Variants in GREB1 observed in about 807,000 individuals in gnomAD.
GREB1 encodes protein GREB1.
GREB1 carries 106 observed loss-of-function variants against 200.7 expected under a neutral mutation model. That is an observed-to-expected ratio of 0.53 (90% CI 0.45 to 0.62). GREB1 has a LOEUF of 0.62. Among genes scored for constraint, GREB1 ranks in the 20% least tolerant of loss-of-function variants. The pLI, the probability that GREB1 is intolerant of heterozygous loss-of-function variation, is 0.00. For missense variants in GREB1, 2,243 were observed against 2,556.8 expected (o/e 0.88, Z 2.65); for synonymous variants, 1,132 against 1,092.4 (o/e 1.04, Z -0.72).
At chr2:11,620,000 CG>C in intron 22 of GREB1, among the ~76,000 whole-genome samples, 1 of 152,262 alleles carries the variant, frequency 6.6e-6, no homozygotes, top group African/African-American at 2.4e-5. Context: ...ATTTTTCAGA[CG>C]GAGTCTCGCT....
At chr2:11,550,082 G>C (rs1379497822) in intron 1 of GREB1, among the ~76,000 whole-genome samples, 1 of 152,190 alleles carries the variant, frequency 6.6e-6, no homozygotes, top group African/African-American at 2.4e-5. Context: ...AGCCAGGTGA[G>C]GTGGCGGGCG....
chr2:11,573,843 G>A (rs938216786), intron 4 of GREB1, among the ~76,000 whole-genome samples: 71 of 152,218 alleles, frequency 4.7e-4, no homozygotes, highest in African/African-American at 1.5e-3. Flanking sequence ...GCACAGCGAC[G>A]GTCCCCAGCC....
upstream of GREB1, among the ~76,000 whole-genome samples, chr2:11,531,392 A>G (rs1360463697): frequency 6.6e-6 from 1 of 152,214 alleles, no homozygotes; most frequent in African/African-American, 2.4e-5. Context: ...TGCAGCCTAC[A>G]GAGAGATTCA....
chr2:11,487,108 G>C (rs1369004410), intron 1 of GREB1, among the ~76,000 whole-genome samples: 1 of 151,942 alleles, frequency 6.6e-6, no homozygotes, highest in Non-Finnish European at 1.5e-5. Flanking sequence ...ACAATTTCAT[G>C]GTCTATTGTG....
chr2:11,569,888 T>C (rs990921985), intron 4 of GREB1, among the ~76,000 whole-genome samples: 1 of 151,046 alleles, frequency 6.6e-6, no homozygotes, highest in African/African-American at 2.4e-5. Flanking sequence ...CGTGGCGGGG[T>C]GGGGTGCCCA....
At chr2:11,531,128 G>A (rs1674057540), upstream of GREB1, among the ~76,000 whole-genome samples, 1 of 152,144 alleles carries the variant, frequency 6.6e-6, no homozygotes, top group African/African-American at 2.4e-5. Flanking sequence ...CTGTACTGGA[G>A]GTCAGCTCAG....
chr2:11,559,121 A>G (rs577359645), intron 2 of GREB1, among the ~76,000 whole-genome samples: 2 of 152,340 alleles, frequency 1.3e-5, no homozygotes, highest in African/African-American at 2.4e-5. Flanking sequence ...ACACAATTGC[A>G]TGTCAACATT....
In GREB1 at chr2:11,495,900, CG is replaced by C. The variant is rs1236290399; in HGVS notation, c.-159+13520del. Reference sequence around the variant, plus strand: ...CACTGAGCTCCTCTGTGAGTCTGTGCGTGGCGCTCCTCTTCTGTCTTTGCAG... The same window carrying C: ...CACTGAGCTCCTCTGTGAGTCTGTGCTGGCGCTCCTCTTCTGTCTTTGCAG... On this transcript the variant is annotated intron_variant, in intron 1 of 2. Coordinates refer to the GREB1 transcript ENST00000628795. Among the ~76,000 whole-genome samples the C allele has an allele frequency of 2.0e-5, 3 of 150,054 alleles. No individual in the cohort carries two copies. In the East Asian group the frequency reaches 6.0e-4, roughly 30 times the overall value.
In GREB1 at chr2:11,596,164, A is replaced by C; in HGVS notation, c.1879A>C (p.Ile627Leu). Residue 627 changes from isoleucine (I) to leucine (L), a missense_variant, in exon 13 of 33, where the codon ATT becomes CTT. Ile to Leu is a conservative substitution (Grantham distance 5). Transcript: ENST00000381486. ...DKFHQENQGH[I>L]SSSLAASSVT... ...ATTTCACCAGGAAAATCAAGGCCAT[A>C]TTTCTTCCTCACTCGCTGCCTCTTC... 6.2e-7 allele frequency: 1 copy of C among 1,613,562 alleles called. No homozygotes were observed.
chr2:11,567,331 G>A lies in GREB1; in HGVS notation c.454+675G>A, dbSNP rs531111377. On this transcript the variant is annotated intron_variant, in intron 4 of 32. Coordinates refer to ENST00000381486, the MANE Select transcript of GREB1 (RefSeq NM_014668.4). ...GTAGAGATGGGGTTTCACCATGTTG[G>A]CCAGGCTGGTCTCGAACTCCTGGCC... Among the ~76,000 whole-genome samples the A allele has an allele frequency of 2.0e-5, 3 of 152,192 alleles. No individual in the cohort carries two copies. The South Asian group carries it at 6.2e-4, about 32-fold the overall frequency.
At chr2:11,577,638 G>A (rs1442893383) in intron 5 of GREB1, among the ~76,000 whole-genome samples, 1 of 152,364 alleles carries the variant, frequency 6.6e-6, no homozygotes, top group Admixed American at 6.5e-5. Context: ...TCCCTTGTCT[G>A]TGTTTGTTCC....
At chr2:11,505,838 C>A (rs1420831355) in intron 1 of GREB1, among the ~76,000 whole-genome samples, 2 of 151,610 alleles carry the variant, frequency 1.3e-5, no homozygotes, top group African/African-American at 4.9e-5. Context: ...CAGAGCAAGA[C>A]CCTGTTTTGG....
rs1683295383 is a variant in GREB1, at chr2:11,615,125, T to A, written c.3157T>A (p.Ser1053Thr). 1 of 1,613,972 alleles carries A rather than the reference T, an allele frequency of 6.2e-7. No individual in the cohort carries two copies. The highest frequency in any genetic ancestry group is 1.7e-5 in the Admixed American group (1 of 59,998). Reference protein sequence around the residue: ...LRYCDLRLINSSCLVRTALEQ... With the variant: ...LRYCDLRLINTSCLVRTALEQ... ...GTACTGTGACCTGCGATTGATAAAC[T>A]CCTCCTGCTTGGTGAGAACAGCCTT... The change falls in exon 20 of 33, where the codon TCC becomes ACC. Residue 1053 changes from serine to threonine, a missense_variant. Around this residue, in one of 3 missense-constraint regions of GREB1, gnomAD observed 1,178 missense variants for 1,387.4 expected, o/e 0.85. Coordinates refer to ENST00000381486, the MANE Select transcript of GREB1 (RefSeq NM_014668.4).
chr2:11,613,514 G>T (rs898695388), intron 19 of GREB1, among the ~76,000 whole-genome samples: 1 of 152,218 alleles, frequency 6.6e-6, no homozygotes, highest in Non-Finnish European at 1.5e-5. Flanking sequence ...GATTAAGCCA[G>T]TCTGGCCAGC....
chr2:11,556,831 G>C, intron 2 of GREB1, 60 bp downstream of exon 2: 2 of 1,280,402 alleles, frequency 1.6e-6, no homozygotes, highest in Non-Finnish European at 2.1e-6. Context: ...GTTAATGTTA[G>C]CACCAGAACT....
rs1006341191 is a variant in GREB1, at chr2:11,567,686, CA to C, written c.454+1031del. Among the ~76,000 whole-genome samples, 54 of 152,220 alleles carry C rather than the reference CA, an allele frequency of 3.5e-4. 2 individuals are homozygous for C. The highest frequency in any genetic ancestry group is 3.5e-3 in the Admixed American group (53 of 15,284). On this transcript the variant is annotated intron_variant, in intron 4 of 32. Transcript: ENST00000381486. ...CGCTGGCCCACTAAGGCTCTGAGTG[CA>C]GAGCTGAGGCCAGGCCTTGCCAAGC...
chr2:11,517,747 G>A (rs1673555886), intron 1 of GREB1, among the ~76,000 whole-genome samples: 3 of 152,152 alleles, frequency 2.0e-5, no homozygotes, highest in African/African-American at 7.2e-5. Context: ...CGCCTCCCGG[G>A]TTCATGCCAT....
In GREB1 at chr2:11,635,701, C is replaced by T. The variant is rs142018838; in HGVS notation, c.5346+296C>T. ...CCCAGCTGGGTGAGGTCTCAGGCCA[C>T]GCTCTTCCTTGGGCCCCTGGGATGG... On this transcript the variant is annotated intron_variant, in intron 30 of 32. Transcript: ENST00000381486. 3.1e-4 allele frequency among the ~76,000 whole-genome samples: 47 copies of T among 152,292 alleles called. 1 individual carries two copies. Among genetic ancestry groups the T allele is most frequent in the Middle Eastern group, 3.4e-3 (1 of 294 alleles).
At chr2:11,566,930 T>C (rs759625631) in intron 4 of GREB1, among the ~76,000 whole-genome samples, 7 of 152,174 alleles carry the variant, frequency 4.6e-5, no homozygotes, top group Admixed American at 1.3e-4. Context: ...AAGTGCCTGC[T>C]TGTGTCAAGA....
Sources: gnomAD v4.1 joint callset for allele counts (sites outside exome capture counted in the v4.1 genomes callset) on GRCh38, gnomAD v4.1.1 for gene constraint, gnomAD v4.1.1 regional missense constraint, MANE v1.5 for transcripts, NCBI Gene and HGNC (gene_info 2026-07-23, HGNC 2026-07-21) for gene names.